The following PMPCB variants were observed in gnomAD, a reference collection of about 807,000 sequenced individuals.
PMPCB encodes the protein mitochondrial-processing peptidase subunit beta.
A neutral mutation model predicts 61.5 loss-of-function variants in PMPCB; 46 were observed. The observed-to-expected ratio is 0.75, with a 90% CI of 0.59 to 0.96. The LOEUF is 0.96. Ranked by LOEUF, PMPCB falls within the 40% of genes least tolerant of loss-of-function variation. PMPCB has a pLI of 0.00. For synonymous variants in PMPCB, 191 were observed against 201.6 expected (o/e 0.95, Z 0.44); for missense variants, 590 against 602.4 (o/e 0.98, Z 0.22).
the PMPCB span, among the ~76,000 whole-genome samples, chr7:103,340,991 G>A: frequency 1.3e-5 from 2 of 152,160 alleles, no homozygotes; most frequent in Non-Finnish European, 2.9e-5. Context: ...GGTCACTCAA[G>A]CGCTAATGCT....
chr7:103,338,770 C>T, the PMPCB span, among the ~76,000 whole-genome samples: 2 of 151,556 alleles, frequency 1.3e-5, no homozygotes, highest in African/African-American at 4.8e-5. Flanking sequence ...ATTAGCCGGG[C>T]GTGGTGGCGC....
In PMPCB at chr7:103,314,542, G is replaced by A. The variant is rs551259473; in HGVS notation, c.*2271G>A. On this transcript the variant is annotated 3_prime_UTR_variant, in exon 13 of 13. Transcript: ENST00000249269. ...ACAAGTCCCCCTAAGAAAGAGCTGAGACTAGTGTGCTAATACCTGTTGTAT... is the reference window on the plus strand; with the variant it reads ...ACAAGTCCCCCTAAGAAAGAGCTGAAACTAGTGTGCTAATACCTGTTGTAT... The A allele has an allele frequency of 1.0e-5, 10 of 985,372 alleles. No individual in the cohort carries two copies. In the African/African-American group the frequency reaches 1.6e-4, roughly 15 times the overall value. The allele number at this position is 985,372 out of a possible 1,614,324, so 61.0% of individuals were successfully genotyped here.
the PMPCB span, chr7:103,344,743 G>T: frequency 9.8e-7 from 1 of 1,018,676 alleles, no homozygotes; most frequent in Non-Finnish European, 1.5e-6. Flanking sequence ...AGACGCCCAG[G>T]AACCGGCGCA....
At chr7:103,322,040 C>T (rs2115875318) in intron 12 of PMPCB, 1 of 1,613,540 alleles carries the variant, frequency 6.2e-7, no homozygotes, top group Non-Finnish European at 8.5e-7. Context: ...CCTCTTCTTT[C>T]TCCTTAGCTA....
chr7:103,332,045 C>G (rs915918489), downstream of PMPCB, among the ~76,000 whole-genome samples: 1 of 151,334 alleles, frequency 6.6e-6, no homozygotes, highest in Non-Finnish European at 1.5e-5. Flanking sequence ...TGCTCTGTCA[C>G]CCAGGTTGGA....
chr7:103,319,766 C>G lies in PMPCB; in HGVS notation c.*1431+7635C>G. 4 of 1,614,206 alleles carry G rather than the reference C, an allele frequency of 2.5e-6. No homozygotes were observed. In the South Asian group the frequency reaches 3.3e-5, roughly 13 times the overall value. On this transcript the variant is annotated intron_variant and NMD_transcript_variant, in intron 12 of 12. Transcript: ENST00000444457. ...GTTCCATAGGTATACCTTGCCAGTT[C>G]AAGCCGATCACAAAGTTTTTCCACT...
chr7:103,309,520 A>G (rs1308573220), intron 8 of PMPCB, among the ~76,000 whole-genome samples: 2 of 152,174 alleles, frequency 1.3e-5, no homozygotes, highest in Admixed American at 6.5e-5. Context: ...TATAACAACT[A>G]TTTACATAGC....
the PMPCB span, among the ~76,000 whole-genome samples, chr7:103,345,629 T>A: frequency 2.0e-4 from 30 of 149,956 alleles, no homozygotes; most frequent in South Asian, 2.1e-3. Context: ...ATATGTATAT[T>A]TTTTTTTGTA....
At chr7:103,325,522 C>T (rs1818660303) in intron 12 of PMPCB, among the ~76,000 whole-genome samples, 1 of 151,704 alleles carries the variant, frequency 6.6e-6, no homozygotes, top group Non-Finnish European at 1.5e-5. Flanking sequence ...GGCGCCAAAC[C>T]GCTAATCAAA....
chr7:103,297,997 C>T, intron 1 of PMPCB: 5 of 1,106,342 alleles, frequency 4.5e-6, no homozygotes, highest in Non-Finnish European at 5.7e-6. Flanking sequence ...GAGAGAGCCT[C>T]TGACTTTAAG....
Position 103,298,720 on chromosome 7 carries a change from A to G in PMPCB, c.240+12A>G. The G allele has an allele frequency of 1.2e-6, 2 of 1,610,140 alleles. No individual in the cohort carries two copies. The highest frequency in any genetic ancestry group is 1.7e-6 in the Non-Finnish European group (2 of 1,177,828). ...TCTCAACATGCACAGTAAGTGACTC[A>G]GGCAACCTTCTCTAAGTGACCCTTC... On this transcript the variant is annotated intron_variant, in intron 2 of 12. Transcript: ENST00000249269.
the PMPCB span, chr7:103,344,819 C>A: frequency 1.6e-6 from 1 of 610,734 alleles, no homozygotes; most frequent in Non-Finnish European, 2.9e-6. Context: ...CTCACACCCT[C>A]CCACCCCCGC....
intron 12 of PMPCB, among the ~76,000 whole-genome samples, chr7:103,325,784 G>A (rs1413631184): frequency 3.9e-5 from 6 of 152,178 alleles, no homozygotes; most frequent in East Asian, 3.8e-4. Flanking sequence ...AATAAAATAC[G>A]TATGCTTTAA....
the PMPCB span, among the ~76,000 whole-genome samples, chr7:103,340,866 C>G: frequency 6.6e-6 from 1 of 152,162 alleles, no homozygotes; most frequent in Non-Finnish European, 1.5e-5. Flanking sequence ...GACAGCTTCA[C>G]CACTATGGTA....
At chr7:103,344,391 G>A in the PMPCB span, 1 of 680,518 alleles carries the variant, frequency 1.5e-6, no homozygotes, top group Non-Finnish European at 2.5e-6. Flanking sequence ...TCTAATCTAG[G>A]GTAGGATTAC....
chr7:103,298,601 A>G lies in PMPCB; in HGVS notation c.133A>G (p.Thr45Ala). 2 of 1,614,098 alleles carry G rather than the reference A, an allele frequency of 1.2e-6. No individual in the cohort carries two copies. The highest frequency in any genetic ancestry group is 1.7e-6 in the Non-Finnish European group (2 of 1,179,932). The change falls in exon 2 of 13, where the codon ACA becomes GCA. Residue 45 changes from threonine to alanine, a missense_variant. Transcript: ENST00000249269. ...TTTTGGAGAGAACAGATTAAGAAGTACACAGGCTGCTACCCAAGTTGTTCT... is the reference window on the plus strand; with the variant it reads ...TTTTGGAGAGAACAGATTAAGAAGTGCACAGGCTGCTACCCAAGTTGTTCT... The part of the protein sequence containing the change: ...LYFGENRLRS[T>A]QAATQVVLNV...
intron 7 of PMPCB, among the ~76,000 whole-genome samples, chr7:103,308,256 C>T (rs937757740): frequency 3.3e-5 from 5 of 152,190 alleles, no homozygotes; most frequent in African/African-American, 1.2e-4. Context: ...CTGATATTGG[C>T]AGCTGCCTAG....
chr7:103,304,454 T>A lies in PMPCB; in HGVS notation c.700T>A (p.Tyr234Asn). 1.2e-6 allele frequency: 2 copies of A among 1,607,878 alleles called. No homozygotes were observed. Among genetic ancestry groups the A allele is most frequent in the Non-Finnish European group, 1.7e-6 (2 of 1,174,276 alleles). ...KDLVDYITTH[Y>N]KGPRIVLAAA... ...CTTAGTGGATTATATAACCACACAT[T>A]ATAAGGGGCCAAGAATAGTGCTTGC... Residue 234 changes from tyrosine (Y) to asparagine (N), a missense_variant, in exon 6 of 13, where the codon TAT (tyrosine) becomes AAT (asparagine). Coordinates refer to ENST00000249269, the MANE Select transcript of PMPCB (RefSeq NM_004279.3).
the PMPCB span, chr7:103,336,001 C>T: frequency 6.6e-6 from 1 of 152,200 alleles, no homozygotes; most frequent in African/African-American, 2.4e-5. Flanking sequence ...AATCCCGTCT[C>T]TATGAAAAAT....
Sources: gnomAD v4.1 joint callset for allele counts (sites outside exome capture counted in the v4.1 genomes callset) on GRCh38, gnomAD v4.1.1 for gene constraint, MANE v1.5 for transcripts, NCBI Gene and HGNC (gene_info 2026-07-23, HGNC 2026-07-21) for gene names.